The following PPHLN1 variants were observed in gnomAD, a reference collection of about 807,000 sequenced individuals.
PPHLN1 encodes periphilin 1.
PPHLN1 carries 29 observed loss-of-function variants against 51.3 expected under a neutral mutation model. That is an observed-to-expected ratio of 0.57 (90% CI 0.42 to 0.77). PPHLN1 has a LOEUF of 0.77. Among genes scored for constraint, PPHLN1 ranks in the 30% least tolerant of loss-of-function variants. The pLI is 0.00. For missense variants in PPHLN1, 436 were observed against 438.4 expected (o/e 0.99, Z 0.05); for synonymous variants, 147 against 147.8 (o/e 0.99, Z 0.04).
intron 9 of PPHLN1, among the ~76,000 whole-genome samples, chr12:42,433,895 A>G (rs11181503): frequency 0.072 from 11,010 of 152,270 alleles, 527 homozygotes; most frequent in Non-Finnish European, 0.1. Context: ...ATTACTATCT[A>G]TATGTATCCC....
chr12:42,436,254 A>G (rs2082471593), intron 9 of PPHLN1, among the ~76,000 whole-genome samples: 1 of 151,202 alleles, frequency 6.6e-6, no homozygotes, highest in African/African-American at 2.4e-5. Flanking sequence ...AGATGTCTGC[A>G]CTTGGCTCTT....
chr12:42,444,686 A>G (rs1015936692), downstream of PPHLN1: 1 of 194,576 alleles, frequency 5.1e-6, no homozygotes, highest in Non-Finnish European at 1.0e-5. Flanking sequence ...GTAAAAAACA[A>G]TTTGAAGCAG....
At chr12:42,364,091 G>T (rs1450545528) in intron 4 of PPHLN1, among the ~76,000 whole-genome samples, 1 of 151,996 alleles carries the variant, frequency 6.6e-6, no homozygotes, top group Non-Finnish European at 1.5e-5. Flanking sequence ...AGGCATGGTG[G>T]CACGTGCCTG....
At chr12:42,326,865 A>C (rs946976744) in intron 1 of PPHLN1, among the ~76,000 whole-genome samples, 1 of 152,186 alleles carries the variant, frequency 6.6e-6, no homozygotes, top group African/African-American at 2.4e-5. Flanking sequence ...CCAGGCCTCT[A>C]ACCACTCCCT....
At chr12:42,406,565 T>G (rs1047497245) in intron 9 of PPHLN1, among the ~76,000 whole-genome samples, 8 of 152,226 alleles carry the variant, frequency 5.3e-5, no homozygotes, top group Non-Finnish European at 1.0e-4. Context: ...TATTGGCACA[T>G]GAATATCCTT....
In PPHLN1 at chr12:42,393,697, A is replaced by G. The variant is rs946536813; in HGVS notation, c.768+8A>G. The G allele has an allele frequency of 9.5e-6, 15 of 1,581,392 alleles. No homozygotes were observed. Among genetic ancestry groups the G allele is most frequent in the African/African-American group, 1.4e-5 (1 of 73,018 alleles). ...GAAATTTCTGAGTATGAGGTAAGGC[A>G]TAATGTCTCCTTTATGTTTCACATC... On this transcript the variant is annotated splice_region_variant and intron_variant, in intron 8 of 9. Coordinates refer to ENST00000358314, the MANE Select transcript of PPHLN1 (RefSeq NM_201439.2).
rs550272825 is a variant in PPHLN1 at position 42,337,669 on chromosome 12, C to T, written c.72+1695C>T. ...GCAGTGGTGCGATCTTGGCTCACTACGTCCTCTACTTCCCGGGTTCAAGCG... is the reference window on the plus strand; with the variant it reads ...GCAGTGGTGCGATCTTGGCTCACTATGTCCTCTACTTCCCGGGTTCAAGCG... On this transcript the variant is annotated intron_variant, in intron 2 of 9. Coordinates refer to ENST00000358314, the MANE Select transcript of PPHLN1 (RefSeq NM_201439.2). Among the ~76,000 whole-genome samples, 8 of 152,184 alleles carry T rather than the reference C, an allele frequency of 5.3e-5. 1 individual carries two copies. The highest frequency in any genetic ancestry group is 9.6e-5 in the African/African-American group (4 of 41,526).
chr12:42,426,993 C>T (rs1170558221), intron 9 of PPHLN1, among the ~76,000 whole-genome samples: 1 of 152,158 alleles, frequency 6.6e-6, no homozygotes, highest in Non-Finnish European at 1.5e-5. Flanking sequence ...TGGAGAGTAA[C>T]TGGGTGGATC....
At chr12:42,359,539 A>T (rs1222404786) in intron 4 of PPHLN1, 1 of 152,218 alleles carries the variant, frequency 6.6e-6, no homozygotes, top group African/African-American at 2.4e-5. Context: ...CTATCACAGT[A>T]GCTATAGCTT....
chr12:42,425,934 G>A (rs1386608113), intron 9 of PPHLN1, among the ~76,000 whole-genome samples: 1 of 152,222 alleles, frequency 6.6e-6, no homozygotes, highest in East Asian at 1.9e-4. Context: ...AGAACTTGCC[G>A]CCTCTGCAGG....
intron 9 of PPHLN1, among the ~76,000 whole-genome samples, chr12:42,412,682 T>C (rs1353904605): frequency 6.6e-6 from 1 of 152,226 alleles, no homozygotes; most frequent in Admixed American, 6.5e-5. Flanking sequence ...GATCTACTTT[T>C]AATTCTTTAA....
At chr12:42,390,551 T>C (rs193239765) in intron 7 of PPHLN1, among the ~76,000 whole-genome samples, 40 of 152,342 alleles carry the variant, frequency 2.6e-4, no homozygotes, top group South Asian at 8.3e-4. Flanking sequence ...TTTTAACTAC[T>C]TTTGTCTGAT....
At chr12:42,343,739 C>G (rs1222850599) in intron 2 of PPHLN1, 7 of 294,514 alleles carry the variant, frequency 2.4e-5, no homozygotes, top group Non-Finnish European at 3.3e-5. Flanking sequence ...ACTTAACTTT[C>G]TTTTTGTTGT....
At chr12:42,387,966 C>T (rs1422494248) in intron 7 of PPHLN1, among the ~76,000 whole-genome samples, 1 of 152,222 alleles carries the variant, frequency 6.6e-6, no homozygotes, top group Admixed American at 6.5e-5. Context: ...TGGTAAAAGT[C>T]ATCGCCATTC....
chr12:42,445,188 C>T (rs2083244123), downstream of PPHLN1: 7 of 698,306 alleles, frequency 1.0e-5, no homozygotes, highest in South Asian at 1.0e-4. Context: ...GCCTGACCCA[C>T]TGGCTTATGG....
intron 9 of PPHLN1, among the ~76,000 whole-genome samples, chr12:42,438,832 G>A (rs1173112776): frequency 6.6e-6 from 1 of 152,178 alleles, no homozygotes; most frequent in East Asian, 1.9e-4. Flanking sequence ...TCAAACTCCT[G>A]ACCTCGTGAT....
intron 1 of PPHLN1, 44 bp from the exon 2 acceptor site, chr12:42,335,839 T>C (rs1205377148): frequency 8.7e-7 from 1 of 1,153,028 alleles, no homozygotes; most frequent in Non-Finnish European, 1.2e-6. Flanking sequence ...ACCTTTTCTG[T>C]TACTTCCTAG....
At chr12:42,346,777 A>G (rs890714482) in intron 2 of PPHLN1, among the ~76,000 whole-genome samples, 1 of 152,202 alleles carries the variant, frequency 6.6e-6, no homozygotes, top group African/African-American at 2.4e-5. Flanking sequence ...CTTTCTGACC[A>G]TAGCCATCCT....
chr12:42,425,246 A>ATTTTTTT (rs34484756), intron 9 of PPHLN1, among the ~76,000 whole-genome samples: 11 of 124,828 alleles, frequency 8.8e-5, no homozygotes, highest in South Asian at 2.6e-4. Context: ...TGCCTGGCTA[A>ATTTTTTT]TTTTTTTTTT....
Sources: allele counts gnomAD v4.1 joint callset (sites outside exome capture counted in the v4.1 genomes callset), GRCh38; gene constraint gnomAD v4.1.1; transcripts MANE v1.5; gene names NCBI Gene and HGNC (gene_info 2026-07-23, HGNC 2026-07-21).